The following NOL6 variants were observed in gnomAD, a reference collection of about 807,000 sequenced individuals.
NOL6 encodes the protein nucleolar protein 6.
In NOL6, 33 loss-of-function variants were observed where a neutral mutation model predicts 131.7. The observed-to-expected ratio is 0.25, with a 90% CI of 0.19 to 0.33. The LOEUF is 0.33. Among genes scored for constraint, NOL6 ranks in the 10% least tolerant of loss-of-function variants. The probability of loss-of-function intolerance (pLI) is 1.00; values close to 1 mark genes in which losing one functional copy is unlikely to be tolerated. For missense variants in NOL6, 1,297 were observed against 1,494.5 expected (o/e 0.87, Z 2.18); for synonymous variants, 580 against 605.7 (o/e 0.96, Z 0.62).
Position 33,462,703 on chromosome 9 carries a change from C to T in NOL6, c.3402G>A (p.Val1134=), listed in dbSNP as rs1228750951. The T allele has an allele frequency of 6.2e-7, 1 of 1,614,078 alleles. No homozygotes were observed. The highest frequency in any genetic ancestry group is 8.5e-7 in the Non-Finnish European group (1 of 1,180,038). ...EDFAVLGEGL[V]QTVEARSERW... ...TCTCACTTCGGGCCTCCACAGTCTG[C>T]ACCAGGCCTTCACCCAGCACAGCAA... is the stretch of plus-strand genomic sequence containing the variant. Residue 1134 remains valine (V), a synonymous_variant, in exon 26 of 26, where the codon GTG becomes GTA. Coordinates refer to ENST00000297990, the MANE Select transcript of NOL6 (RefSeq NM_022917.5).
At position 33,468,532 on chromosome 9, in the gene NOL6, T is replaced by C. The variant is rs114167360; in HGVS notation, c.1182A>G (p.Leu394=). 41 of 1,614,012 alleles carry C rather than the reference T, an allele frequency of 2.5e-5. No individual in the cohort carries two copies. The East Asian group carries it at 6.0e-4, about 24-fold the overall frequency. Residue 394 remains leucine, a synonymous_variant, in exon 9 of 26, where the codon TTA becomes TTG. Transcript: ENST00000297990. ...TTDLTVNGIS[L]CLSSDPSLPA... is the part of the protein sequence containing the mutation. ...CCAAAGAGGGATCTGAGCTGAGACATAAACTGATCCCGTTGACTGTCAGGT... is the reference window on the plus strand; with the variant it reads ...CCAAAGAGGGATCTGAGCTGAGACACAAACTGATCCCGTTGACTGTCAGGT...
chr9:33,470,050 G>A lies in NOL6; in HGVS notation c.520C>T (p.Pro174Ser). The A allele has an allele frequency of 6.2e-7, 1 of 1,611,212 alleles. No homozygotes were observed. Among genetic ancestry groups the A allele is most frequent in the Non-Finnish European group, 8.5e-7 (1 of 1,178,296 alleles). The change falls in exon 4 of 26, where the codon CCA becomes TCA. Residue 174 changes from proline to serine, a missense_variant. Coordinates refer to ENST00000297990, the MANE Select transcript of NOL6 (RefSeq NM_022917.5). ...AGTGCCACATCCACATTGATGTCTG[G>A]TCGGATGCAGGTGCCCAGAAGGTAG... ...GSYLLGTCIR[P>S]DINVDVALTM...
At position 33,466,637 on chromosome 9, in the gene NOL6, C is replaced by T. The variant is rs1417947024; in HGVS notation, c.2023G>A (p.Gly675Arg). The T allele has an allele frequency of 2.5e-6, 4 of 1,613,950 alleles. No individual in the cohort carries two copies. Among genetic ancestry groups the T allele is most frequent in the Non-Finnish European group, 3.4e-6 (4 of 1,180,040 alleles). The change falls in exon 16 of 26, where the codon GGG (glycine) becomes AGG (arginine). Residue 675 changes from glycine (G) to arginine (R), a missense_variant. By Grantham distance (125) the Gly-to-Arg change is moderately radical. Transcript: ENST00000297990. ...ACGGTCAGTGGGAGACCCTCTAGCCCCCACAGTAGGCGACTGAGGTCGTCG... is the reference window on the plus strand; with the variant it reads ...ACGGTCAGTGGGAGACCCTCTAGCCTCCACAGTAGGCGACTGAGGTCGTCG... ...CYDDLSRLLWGLEGLPLTVSA... is the reference protein window; with the variant it reads ...CYDDLSRLLWRLEGLPLTVSA...
At chr9:33,473,662 G>C (rs1241782662) in intron 1 of NOL6, 127 bp downstream of exon 1, 3 of 1,075,462 alleles carry the variant, frequency 2.8e-6, no homozygotes, top group Non-Finnish European at 4.1e-6. Flanking sequence ...CCACTGGCTG[G>C]AAACATCCTC....
rs1347686521 is a variant in NOL6 at position 33,462,580 on chromosome 9, G to A, written c.*84C>T. 2 of 1,490,516 alleles carry A rather than the reference G, an allele frequency of 1.3e-6. No individual in the cohort carries two copies. The highest frequency in any genetic ancestry group is 2.8e-5 in the African/African-American group (2 of 72,270). The allele number at this position is 1,490,516 out of a possible 1,614,324, so 92.3% of individuals were successfully genotyped here. On this transcript the variant is annotated 3_prime_UTR_variant, in exon 26 of 26. Transcript: ENST00000297990. ...CCCTCCATGGAGGATTCATGTCCAA[G>A]GAGGGTGGAGGTCATCCTACTGACA...
rs1193849689 is a variant in NOL6, at chr9:33,466,143, G to C, written c.2292C>G (p.Arg764=). 10 of 1,613,184 alleles carry C rather than the reference G, an allele frequency of 6.2e-6. No individual in the cohort carries two copies. The highest frequency in any genetic ancestry group is 1.1e-5 in the South Asian group (1 of 90,998). The change falls in exon 18 of 26, where the codon CGC becomes CGG. Residue 764 remains arginine, a synonymous_variant. Transcript: ENST00000297990. ...GCTGTTGTGTCAACAGCTCTGCCAGGCGCAGCTGGAAGGCAGCTCGGACCC... is the reference window on the plus strand; with the variant it reads ...GCTGTTGTGTCAACAGCTCTGCCAGCCGCAGCTGGAAGGCAGCTCGGACCC... ...VQRVRAAFQL[R]LAELLTQQHG... is the part of the protein sequence containing the mutation.
In NOL6 at chr9:33,467,315, C is replaced by T. The variant is rs1827274959; in HGVS notation, c.1726-53G>A. On this transcript the variant is annotated intron_variant, in intron 13 of 25. Coordinates refer to ENST00000297990, the MANE Select transcript of NOL6 (RefSeq NM_022917.5). The surrounding 1 kb of genome is among the most constrained non-coding windows in gnomAD (Gnocchi z 4.4). ...TGGGGAAGGAAGGGCTCTGTGGACC[C>T]TCCCCAACAAGCTTCAGTCCAGGTG... 7 of 1,609,966 alleles carry T rather than the reference C, an allele frequency of 4.3e-6. No homozygotes were observed. Among genetic ancestry groups the T allele is most frequent in the Non-Finnish European group, 5.9e-6 (7 of 1,176,792 alleles).
At position 33,472,347 on chromosome 9, in the gene NOL6, T is replaced by C. The variant is rs780143851; in HGVS notation, c.120A>G (p.Thr40=). The change falls in exon 2 of 26, where the codon ACA becomes ACG. Residue 40 remains threonine, a synonymous_variant. Transcript: ENST00000297990. ...GGCCCTTCGCTGGAGGTTCAGCCAA[T>C]GTACGCTTCCTGGAGGATGCTTTCT... is the stretch of plus-strand genomic sequence containing the variant. ...EGKKASSRKR[T]LAEPPAKGLL... is the part of the protein sequence containing the mutation. The C allele has an allele frequency of 3.1e-6, 5 of 1,614,104 alleles. No individual in the cohort carries two copies. Among genetic ancestry groups the C allele is most frequent in the Non-Finnish European group, 4.2e-6 (5 of 1,180,038 alleles).
At position 33,465,376 on chromosome 9, in the gene NOL6, A is replaced by C; in HGVS notation, c.2529-17T>G. On this transcript the variant is annotated splice_polypyrimidine_tract_variant and intron_variant, in intron 19 of 25. Transcript: ENST00000297990. ...TGCTGCAGTCTGCAGAGAGAAGGGG[A>C]GTGTCAGCGAGACTCAGGGCCCCAC... 6.4e-7 allele frequency: 1 copy of C among 1,571,768 alleles called. No homozygotes were observed. Among genetic ancestry groups the C allele is most frequent in the Non-Finnish European group, 8.6e-7 (1 of 1,156,808 alleles).
chr9:33,471,871 C>T, intron 3 of NOL6, 133 bp downstream of exon 3: 1 of 721,914 alleles, frequency 1.4e-6, no homozygotes, highest in South Asian at 1.6e-5. Context: ...ACGCTCCCAG[C>T]TAAGCTTCCT....
intron 25 of NOL6, 103 bp downstream of exon 25, chr9:33,462,930 C>T (rs932158246): frequency 6.5e-7 from 1 of 1,542,536 alleles, no homozygotes; most frequent in African/African-American, 1.4e-5. Context: ...ACACTCCGCA[C>T]CTGACACGGG....
chr9:33,466,580 G>A lies in NOL6; in HGVS notation c.2080C>T (p.Arg694Cys), dbSNP rs759860117. ...SAVQGAHPVL[R>C]YTEVFPPTPV... ...CCGTTGCACCTCACCTCTGTGTAGCGCAGCACTGGGTGAGCTCCCTGAACA... is the reference window on the plus strand; with the variant it reads ...CCGTTGCACCTCACCTCTGTGTAGCACAGCACTGGGTGAGCTCCCTGAACA... Residue 694 changes from arginine to cysteine, a missense_variant, in exon 16 of 26, where the codon CGC becomes TGC. By Grantham distance (180) the Arg-to-Cys change is radical. Coordinates refer to ENST00000297990, the MANE Select transcript of NOL6 (RefSeq NM_022917.5). 2.4e-5 allele frequency: 39 copies of A among 1,613,980 alleles called. No homozygotes were observed. Among genetic ancestry groups the A allele is most frequent in the Admixed American group, 1.7e-4 (10 of 59,998 alleles).
chr9:33,472,125 A>T lies in NOL6; in HGVS notation c.262-5T>A, dbSNP rs1477196016. On this transcript the variant is annotated splice_region_variant and splice_polypyrimidine_tract_variant and intron_variant, in intron 2 of 25. Transcript: ENST00000297990. The stretch of plus-strand genomic sequence containing the variant: ...TTCCTTTAGTAGCTCCTCTACCTGT[A>T]AGAGAGGGTAGAAGACAGTCCATCA... The T allele has an allele frequency of 6.2e-7, 1 of 1,612,890 alleles. No homozygotes were observed. Among genetic ancestry groups the T allele is most frequent in the Admixed American group, 1.7e-5 (1 of 60,020 alleles).
chr9:33,466,835 C>CT, intron 15 of NOL6, 77 bp downstream of exon 15: 1 of 1,575,600 alleles, frequency 6.3e-7, no homozygotes, highest in Non-Finnish European at 8.7e-7. Context: ...GAAGTGCAAG[C>CT]TGGCCAAGGC....
chr9:33,468,255 A>C, intron 10 of NOL6, 66 bp downstream of exon 10: 2 of 1,607,852 alleles, frequency 1.2e-6, no homozygotes, highest in Non-Finnish European at 1.7e-6. Context: ...GGGTTCTGGT[A>C]CTTGCAAAAG....
chr9:33,472,138 A>G lies in NOL6; in HGVS notation c.262-18T>C, dbSNP rs758872915. Reference sequence around the variant, plus strand: ...TCCTCTACCTGTAAGAGAGGGTAGAAGACAGTCCATCAGCCTCAGGGTCCC... The same window carrying G: ...TCCTCTACCTGTAAGAGAGGGTAGAGGACAGTCCATCAGCCTCAGGGTCCC... On this transcript the variant is annotated intron_variant, in intron 2 of 25. Transcript: ENST00000297990. 3.7e-6 allele frequency: 6 copies of G among 1,612,732 alleles called. No individual in the cohort carries two copies. The highest frequency in any genetic ancestry group is 4.2e-6 in the Non-Finnish European group (5 of 1,178,654).
intron 3 of NOL6, among the ~76,000 whole-genome samples, chr9:33,470,974 GA>G (rs1827397053): frequency 6.6e-6 from 1 of 151,614 alleles, no homozygotes. Context: ...TTTAAGGCTG[GA>G]AAAGTGAACG....
At chr9:33,468,192 G>A (rs371947296) in intron 10 of NOL6, 47 bp from the exon 11 acceptor site, 2 of 1,613,788 alleles carry the variant, frequency 1.2e-6, no homozygotes. Flanking sequence ...TTGATCCAAG[G>A]GCTTAGACCA....
Position 33,466,555 on chromosome 9 carries a change from C to G in NOL6, c.2091+14G>C, listed in dbSNP as rs773783787. On this transcript the variant is annotated intron_variant, in intron 16 of 25. Transcript: ENST00000297990. ...CCACTAAGCAGAAAGGTCACCTGCA[C>G]CGTTGCACCTCACCTCTGTGTAGCG... 2.6e-5 allele frequency: 42 copies of G among 1,613,792 alleles called. No individual in the cohort carries two copies. In the Admixed American group the frequency reaches 7.0e-4, roughly 27 times the overall value.
Sources: gnomAD v4.1 joint callset for allele counts (sites outside exome capture counted in the v4.1 genomes callset) on GRCh38, gnomAD v4.1.1 for gene constraint, Gnocchi (gnomAD v3.1) non-coding constraint, MANE v1.5 for transcripts, NCBI Gene and HGNC (gene_info 2026-07-23, HGNC 2026-07-21) for gene names.